The following SERPINE2 variants were observed in gnomAD, a reference collection of about 807,000 sequenced individuals.
The protein encoded by SERPINE2 is glia-derived nexin.
Under a neutral mutation model 36.3 loss-of-function variants are expected in SERPINE2, and 14 were observed. That is an observed-to-expected ratio of 0.39 (90% confidence interval 0.25 to 0.60). The LOEUF is 0.60. Ranked by LOEUF, SERPINE2 falls within the 20% of genes least tolerant of loss-of-function variation. The pLI, the probability that SERPINE2 is intolerant of heterozygous loss-of-function variation, is 0.57. For synonymous variants in SERPINE2, 192 were observed against 191.8 expected (o/e 1.00, Z -0.01); for missense variants, 418 against 499.6 (o/e 0.84, Z 1.56).
intron 1 of SERPINE2, chr2:224,031,508 T>C: frequency 1.0e-6 from 1 of 985,614 alleles, no homozygotes; most frequent in Non-Finnish European, 1.2e-6. Context: ...CAGCCAATCA[T>C]AGAACCTCCC....
rs137914245 is a variant in SERPINE2, at chr2:223,998,186, C to T, written c.416G>A (p.Arg139Gln). 88 of 1,614,196 alleles carry T rather than the reference C, an allele frequency of 5.5e-5. No individual in the cohort carries two copies. In the African/African-American group the frequency reaches 1.0e-3, roughly 19 times the overall value. ...GGCTGGATCCTCAAAGTTCACATTC[C>T]GGACCTCACACTGGAACACATCTTT... ...RNKDVFQCEV[R>Q]NVNFEDPASA... The change falls in exon 3 of 9, where the codon CGG becomes CAG. Residue 139 changes from arginine to glutamine, a missense_variant. Transcript: ENST00000409304.
intron 3 of SERPINE2, among the ~76,000 whole-genome samples, chr2:223,993,517 T>C (rs998589022): frequency 1.4e-5 from 2 of 146,486 alleles, no homozygotes; most frequent in Non-Finnish European, 3.0e-5. Context: ...CACTGCATTA[T>C]TAGCTCAAAT....
intron 1 of SERPINE2, among the ~76,000 whole-genome samples, chr2:224,020,277 G>C (rs559750976): frequency 2.4e-4 from 37 of 152,248 alleles, no homozygotes; most frequent in Admixed American, 1.8e-3. Flanking sequence ...GAAGTGAAAT[G>C]GTACGAAGAA....
intron 1 of SERPINE2, chr2:224,031,134 T>C (rs766935634): frequency 3.1e-5 from 31 of 985,302 alleles, no homozygotes; most frequent in Non-Finnish European, 3.6e-5. Context: ...AATCTTTGAA[T>C]ATCCATGGTA....
intron 1 of SERPINE2, among the ~76,000 whole-genome samples, chr2:224,028,654 G>A (rs1692263806): frequency 6.6e-6 from 1 of 152,110 alleles, no homozygotes; most frequent in Non-Finnish European, 1.5e-5. Flanking sequence ...TATAAACCAG[G>A]AATGATTTCT....
intron 4 of SERPINE2, among the ~76,000 whole-genome samples, chr2:223,988,724 T>C (rs1452818486): frequency 6.6e-6 from 1 of 152,230 alleles, no homozygotes; most frequent in Non-Finnish European, 1.5e-5. Context: ...TTTAGAAATT[T>C]ACTGATGCAA....
At chr2:223,995,301 A>C (rs7604659) in intron 3 of SERPINE2, among the ~76,000 whole-genome samples, 2,535 of 152,306 alleles carry the variant, frequency 0.017, 63 homozygotes, top group African/African-American at 0.058. Context: ...TTCCAGACAC[A>C]AACAGTTGAG....
chr2:223,990,035 C>T (rs1300178557), intron 4 of SERPINE2, among the ~76,000 whole-genome samples: 1 of 152,106 alleles, frequency 6.6e-6, no homozygotes, highest in Non-Finnish European at 1.5e-5. Context: ...GGCACACCCC[C>T]TGGCAGAAGC....
chr2:224,030,132 A>G, intron 1 of SERPINE2: 1 of 985,446 alleles, frequency 1.0e-6, no homozygotes, highest in South Asian at 4.7e-5. Context: ...CACAAATGCA[A>G]GGGTGGAGTC....
Position 223,989,010 on chromosome 2 carries a change from G to T in SERPINE2, c.685+2793C>A, listed in dbSNP as rs376860593. ...AGAAAGGTTCTCAAATGACAAACTT[G>T]ATACTTAATAGGGAATTTTATCCTA... On this transcript the variant is annotated intron_variant, in intron 4 of 8. Transcript: ENST00000409304. 4.6e-5 allele frequency among the ~76,000 whole-genome samples: 7 copies of T among 152,158 alleles called. No homozygotes were observed. In the East Asian group the frequency reaches 1.2e-3, roughly 25 times the overall value.
chr2:224,020,224 A>G (rs1691950938), intron 1 of SERPINE2, among the ~76,000 whole-genome samples: 1 of 152,210 alleles, frequency 6.6e-6, no homozygotes. Context: ...CTACCCTGAG[A>G]GACTCAGCTT....
At chr2:224,033,364 G>A (rs1330787745) in intron 1 of SERPINE2, among the ~76,000 whole-genome samples, 2 of 152,140 alleles carry the variant, frequency 1.3e-5, no homozygotes, top group Non-Finnish European at 2.9e-5. Context: ...GCTTAAAAAA[G>A]TGAGAGACAA....
intron 1 of SERPINE2, among the ~76,000 whole-genome samples, chr2:224,027,286 G>C (rs1338508357): frequency 6.6e-6 from 1 of 151,666 alleles, no homozygotes; most frequent in Admixed American, 6.6e-5. Flanking sequence ...AACCATCTTG[G>C]GCTATCAGCC....
chr2:224,007,526 T>C (rs1463831570), intron 1 of SERPINE2, among the ~76,000 whole-genome samples: 1 of 152,196 alleles, frequency 6.6e-6, no homozygotes, highest in East Asian at 1.9e-4. Context: ...TATAATATCA[T>C]TCAAAATAAT....
At chr2:224,033,273 T>C (rs1043785168) in intron 1 of SERPINE2, among the ~76,000 whole-genome samples, 12 of 152,200 alleles carry the variant, frequency 7.9e-5, no homozygotes, top group African/African-American at 2.4e-4. Context: ...TTTTTATAAA[T>C]GCTCTAAGTG....
At chr2:224,024,065 ATATAG>A (rs1692102427) in intron 1 of SERPINE2, among the ~76,000 whole-genome samples, 1 of 152,354 alleles carries the variant, frequency 6.6e-6, no homozygotes, top group African/African-American at 2.4e-5. Flanking sequence ...ATTTTCCAAA[ATATAG>A]TAAGTAAATA....
intron 6 of SERPINE2, chr2:223,981,298 C>A (rs16865390): frequency 0.14 from 20,925 of 152,040 alleles, 2,663 homozygotes; most frequent in African/African-American, 0.32. Flanking sequence ...CTGTGAACAC[C>A]CCCCATTTAG....
At chr2:224,005,159 C>T (rs1438945765) in intron 1 of SERPINE2, among the ~76,000 whole-genome samples, 2 of 147,268 alleles carry the variant, frequency 1.4e-5, no homozygotes, top group African/African-American at 5.0e-5. Context: ...GCTCCAATGT[C>T]TTAAAGTCAC....
At chr2:224,028,218 T>C (rs1168743139) in intron 1 of SERPINE2, among the ~76,000 whole-genome samples, 1 of 152,192 alleles carries the variant, frequency 6.6e-6, no homozygotes, top group East Asian at 1.9e-4. Flanking sequence ...CAGCCCTGCC[T>C]TTGCCAAGCA....
Sources: gnomAD v4.1 joint callset for allele counts (sites outside exome capture counted in the v4.1 genomes callset) on GRCh38, gnomAD v4.1.1 for gene constraint, MANE v1.5 for transcripts, NCBI Gene and HGNC (gene_info 2026-07-23, HGNC 2026-07-21) for gene names.